DHX37: variants seen among roughly 807,000 people sequenced by gnomAD.
DHX37 encodes the protein DEAH-box helicase 37, also known as probable ATP-dependent RNA helicase DHX37.
A neutral mutation model predicts 134.3 loss-of-function variants in DHX37; 52 were observed. That is an observed-to-expected ratio of 0.39 (90% CI 0.31 to 0.49). The LOEUF (loss-of-function observed/expected upper bound fraction) is 0.49. DHX37 is among the 20% of genes least tolerant of loss of function. DHX37 has a pLI of 0.93. For missense variants in DHX37, 1,344 were observed against 1,580.8 expected, an observed-to-expected ratio of 0.85 and a Z score of 2.54; for synonymous variants, 634 against 670.7, an observed-to-expected ratio of 0.95 and a Z score of 0.85.
rs1954738408 is a variant in DHX37 at position 124,980,633 on chromosome 12, G to A, written c.595C>T (p.Leu199=). The A allele has an allele frequency of 1.9e-6, 3 of 1,607,392 alleles. No individual in the cohort carries two copies. The highest frequency in any genetic ancestry group is 2.5e-6 in the Non-Finnish European group (3 of 1,179,222). ...CTGCTGGGTGCTGGAGCTGGCGGCA[G>A]AGGTGCCACGGTGGTCCCCACACCA... The part of the protein sequence containing the change: ...EAGVGTTVAP[L]PPAPAPSSQP... The change falls in exon 4 of 27, where the codon CTG becomes TTG. Residue 199 remains leucine (L), a synonymous_variant. Coordinates refer to ENST00000308736, the MANE Select transcript of DHX37 (RefSeq NM_032656.4). The surrounding 1 kb of genome is among the most constrained non-coding windows in gnomAD (Gnocchi z 5.3).
chr12:124,989,016 T>C lies in DHX37; in HGVS notation c.7A>G (p.Lys3Glu). The change falls in exon 1 of 27, where the codon AAG (lysine) becomes GAG (glutamate). Residue 3 changes from lysine (K) to glutamate (E), a missense_variant. Transcript: ENST00000308736. MG[K>E]LRRRYNIKGR... ...TTGATGTTGTAGCGCCGGCGCAGCT[T>C]CCCCATGGCGACTAGGCCAGGGTGG... The C allele has an allele frequency of 7.3e-7, 1 of 1,370,272 alleles. No individual in the cohort carries two copies. The highest frequency in any genetic ancestry group is 9.5e-7 in the Non-Finnish European group (1 of 1,054,350). The allele number at this position is 1,370,272 out of a possible 1,614,324, so 84.9% of individuals were successfully genotyped here.
intron 21 of DHX37, among the ~76,000 whole-genome samples, 176 bp from the exon 22 acceptor site, chr12:124,950,980 G>C (rs1953968263): frequency 6.6e-6 from 1 of 152,224 alleles, no homozygotes; most frequent in African/African-American, 2.4e-5. Flanking sequence ...GCCGTGAAAA[G>C]GAAGGAAGTG....
intron 7 of DHX37, among the ~76,000 whole-genome samples, chr12:124,972,006 G>A (rs1318998255): frequency 1.3e-5 from 2 of 152,216 alleles, no homozygotes; most frequent in African/African-American, 2.4e-5. Flanking sequence ...ACGCTCAAGG[G>A]CAAGCCCCAG....
At chr12:124,959,556 A>C (rs543094895) in intron 16 of DHX37, among the ~76,000 whole-genome samples, 11 of 152,196 alleles carry the variant, frequency 7.2e-5, no homozygotes, top group South Asian at 2.1e-4. Context: ...GAAAAAATCA[A>C]GCCCCCAAAG....
At position 124,980,908 on chromosome 12, in the gene DHX37, A is replaced by C; in HGVS notation, c.390-70T>G. Reference sequence around the variant, plus strand: ...TCCCAGAGGTCAGGACTCCAAGGCCATACCCCTTTCTGCCTCAGGGACTTT... The same window carrying C: ...TCCCAGAGGTCAGGACTCCAAGGCCCTACCCCTTTCTGCCTCAGGGACTTT... On this transcript the variant is annotated intron_variant, in intron 3 of 26. Transcript: ENST00000308736. This position sits in a 1 kb window ranked among gnomAD's most constrained non-coding sequence, Gnocchi z 5.3. The C allele has an allele frequency of 6.7e-7, 1 of 1,494,362 alleles. No homozygotes were observed. Among genetic ancestry groups the C allele is most frequent in the African/African-American group, 1.4e-5 (1 of 71,078 alleles). The allele number at this position is 1,494,362 out of a possible 1,614,324, so 92.6% of individuals were successfully genotyped here.
chr12:124,950,904 G>C, intron 21 of DHX37, 100 bp from the exon 22 acceptor site: 1 of 1,415,312 alleles, frequency 7.1e-7, no homozygotes, highest in Non-Finnish European at 9.3e-7. Flanking sequence ...CACTCCAGCC[G>C]CAAAAGTGGG....
rs926228211 is a variant in DHX37 at position 124,947,776 on chromosome 12, C to T, written c.*26G>A. 3 of 1,540,250 alleles carry T rather than the reference C, an allele frequency of 1.9e-6. No individual in the cohort carries two copies. The African/African-American group carries it at 4.1e-5, about 21-fold the overall frequency. The stretch of plus-strand genomic sequence containing the variant: ...CCAGCCCTCCAGTCCCCAAACCAGT[C>T]CTCGGCCCTGCAGCCAGGTTTCTGG... On this transcript the variant is annotated 3_prime_UTR_variant, in exon 27 of 27. Transcript: ENST00000308736.
intron 4 of DHX37, among the ~76,000 whole-genome samples, chr12:124,979,701 G>C (rs1954716377): frequency 6.6e-6 from 1 of 152,238 alleles, no homozygotes; most frequent in Non-Finnish European, 1.5e-5. Flanking sequence ...AGTCCCAAGG[G>C]ATGGCAGGGA....
rs1023089716 is a variant in DHX37 at position 124,964,742 on chromosome 12, G to C, written c.1813-116C>G. 3.2e-5 allele frequency: 48 copies of C among 1,509,644 alleles called. No homozygotes were observed. In the Middle Eastern group the frequency reaches 5.2e-4, roughly 16 times the overall value. The allele number at this position is 1,509,644 out of a possible 1,614,324, so 93.5% of individuals were successfully genotyped here. On this transcript the variant is annotated intron_variant, in intron 14 of 26. Transcript: ENST00000308736. ...TGTGCTGGAGACGTAGCAAGGACAAGCCATCCCATCTGGGGCCCAGTGCCT... is the reference window on the plus strand; with the variant it reads ...TGTGCTGGAGACGTAGCAAGGACAACCCATCCCATCTGGGGCCCAGTGCCT...
rs755499369 is a variant in DHX37 at position 124,954,116 on chromosome 12, A to T, written c.2549T>A (p.Leu850Gln). 1.2e-6 allele frequency: 2 copies of T among 1,610,974 alleles called. No individual in the cohort carries two copies. Among genetic ancestry groups the T allele is most frequent in the Non-Finnish European group, 1.7e-6 (2 of 1,178,328 alleles). The change falls in exon 19 of 27, where the codon CTG becomes CAG. Residue 850 changes from leucine to glutamine, a missense_variant. This residue lies in a region of DHX37 where 558 missense variants were observed against 650.0 expected (regional missense o/e 0.86). Transcript: ENST00000308736. ...CAGCACCATGAGGTCGCCGAGCTTC[A>T]GAGAAGCCCCCTGCCCTGCCCAGGT... The part of the protein sequence containing the change: ...KRTWAGQGAS[L>Q]KLGDLMVLLG...
intron 21 of DHX37, 79 bp downstream of exon 21, chr12:124,952,319 C>T (rs1953990400): frequency 4.8e-6 from 7 of 1,459,052 alleles, no homozygotes; most frequent in Non-Finnish European, 5.5e-6. Flanking sequence ...CAAGCCTCCC[C>T]AGACCCTGAG....
At chr12:124,956,352 G>T (rs1315808273) in intron 18 of DHX37, among the ~76,000 whole-genome samples, 1 of 150,668 alleles carries the variant, frequency 6.6e-6, no homozygotes, top group Non-Finnish European at 1.5e-5. Context: ...GCAGATCTAC[G>T]CAATAGGATG....
At chr12:124,951,059 T>G (rs1275818179) in intron 21 of DHX37, among the ~76,000 whole-genome samples, 1 of 151,860 alleles carries the variant, frequency 6.6e-6, no homozygotes. Context: ...TCATCTGAGG[T>G]CAAGAGTTCG....
chr12:124,950,057 G>A lies in DHX37; in HGVS notation c.3219C>T (p.Val1073=), dbSNP rs935022710. ...HFARFLLEGQ[V]FRKLASYRSC... Reference sequence around the variant, plus strand: ...TCCGGTATGAGGCCAGCTTGCGGAAGACCTGATGAGAGACCACAGGAAGGG... The same window carrying A: ...TCCGGTATGAGGCCAGCTTGCGGAAAACCTGATGAGAGACCACAGGAAGGG... Residue 1073 remains valine, a splice_region_variant and synonymous_variant, in exon 25 of 27, where the codon GTC becomes GTT. Transcript: ENST00000308736. 1 of 1,613,738 alleles carries A rather than the reference G, an allele frequency of 6.2e-7. No individual in the cohort carries two copies. The highest frequency in any genetic ancestry group is 1.1e-5 in the South Asian group (1 of 91,036).
chr12:124,977,320 G>A (rs1345711389), intron 5 of DHX37, 22 bp downstream of exon 5: 5 of 1,504,270 alleles, frequency 3.3e-6, no homozygotes, highest in Non-Finnish European at 4.4e-6. Flanking sequence ...GACCCAGAGA[G>A]AACCCTGTGT....
chr12:124,957,166 G>A, intron 16 of DHX37, 31 bp from the exon 17 acceptor site: 1 of 1,470,810 alleles, frequency 6.8e-7, no homozygotes, highest in Non-Finnish European at 9.0e-7. Context: ...GCAGGGACAG[G>A]GTGAATGCCA....
rs757584327 is a variant in DHX37 at position 124,950,547 on chromosome 12, A to T, written c.2987T>A (p.Val996Asp). 1 of 1,548,808 alleles carries T rather than the reference A, an allele frequency of 6.5e-7. No homozygotes were observed. The highest frequency in any genetic ancestry group is 2.0e-5 in the Admixed American group (1 of 49,198). ...VETTKMYMKG[V>D]SSVEVQWIPA... ...GATCCACTGGACCTCCACGCTAGAG[A>T]CGCCTGGGGGCCGGGGGAGGAAGCT... is the stretch of plus-strand genomic sequence containing the variant. The change falls in exon 23 of 27, where the codon GTC (valine) becomes GAC (aspartate). Residue 996 changes from valine (V) to aspartate (D), a missense_variant. Physicochemically the swap from Val to Asp is radical, Grantham distance 152. Around this residue, in one of 7 missense-constraint regions of DHX37, gnomAD observed 558 missense variants for 650.0 expected, o/e 0.86. Coordinates refer to ENST00000308736, the MANE Select transcript of DHX37 (RefSeq NM_032656.4).
intron 16 of DHX37, among the ~76,000 whole-genome samples, chr12:124,958,630 TTTC>T (rs879701975): frequency 0.01 from 1,574 of 152,248 alleles, 93 homozygotes; most frequent in Admixed American, 0.085. Flanking sequence ...GATTCTTTTT[TTTC>T]TTTTTTTTTG....
intron 5 of DHX37, among the ~76,000 whole-genome samples, chr12:124,975,782 G>A (rs938831124): frequency 6.6e-6 from 1 of 152,182 alleles, no homozygotes; most frequent in Non-Finnish European, 1.5e-5. Flanking sequence ...AGCTCTGTTT[G>A]CCCCAGTCAA....
Sources: allele counts gnomAD v4.1 joint callset (sites outside exome capture counted in the v4.1 genomes callset), GRCh38; gene constraint gnomAD v4.1.1; regional missense constraint gnomAD v4.1.1; non-coding constraint Gnocchi (gnomAD v3.1); transcripts MANE v1.5; gene names NCBI Gene and HGNC (gene_info 2026-07-23, HGNC 2026-07-21).